The following DNAH1 variants were observed in gnomAD, a reference collection of about 807,000 sequenced individuals.
DNAH1 encodes the protein dynein axonemal heavy chain 1.
Under a neutral mutation model 484.3 loss-of-function variants are expected in DNAH1, and 327 were observed. The ratio of observed to expected loss-of-function variants is 0.68; its 90% CI spans 0.62 to 0.74. The LOEUF (loss-of-function observed/expected upper bound fraction) is 0.74, where lower values mean the gene tolerates loss of function less well. Among genes scored for constraint, DNAH1 ranks in the 30% least tolerant of loss-of-function variants. The pLI is 0.00. For missense variants in DNAH1, 5,052 were observed against 5,546.8 expected, an observed-to-expected ratio of 0.91 and a Z score of 2.83; for synonymous variants, 2,192 against 2,191.9, an observed-to-expected ratio of 1.00 and a Z score of 0.00.
intron 16 of DNAH1, 72 bp from the exon 17 acceptor site, chr3:52,351,890 C>G (rs1436881169): frequency 9.7e-6 from 15 of 1,538,528 alleles, no homozygotes; most frequent in Non-Finnish European, 1.3e-5. Flanking sequence ...GGTGGGATGC[C>G]CCTGCCTGGT....
rs749792877 is a variant in DNAH1, at chr3:52,395,061, C to T, written c.10968+2C>T. The T allele has an allele frequency of 2.1e-5, 33 of 1,606,632 alleles. No individual in the cohort carries two copies. The highest frequency in any genetic ancestry group is 3.3e-4 in the Middle Eastern group (2 of 6,050). On this transcript the variant is annotated splice_donor_variant, in intron 68 of 77. Transcript: ENST00000420323. LOFTEE classifies it low-confidence loss of function (GC_TO_GT_DONOR). The surrounding 1 kb of genome is among the most constrained non-coding windows in gnomAD (Gnocchi z 4.4). ...GAGCCACGCTTCATTGAACCCCAGGCAAGTGCTGGAACCCTGGCAGGACTG... is the reference window on the plus strand; with the variant it reads ...GAGCCACGCTTCATTGAACCCCAGGTAAGTGCTGGAACCCTGGCAGGACTG...
intron 8 of DNAH1, among the ~76,000 whole-genome samples, chr3:52,338,509 A>G (rs980527723): frequency 9.2e-5 from 14 of 152,202 alleles, no homozygotes; most frequent in South Asian, 2.1e-4. Context: ...AAACGTATCA[A>G]TATTTTTTCT....
chr3:52,319,122 C>G (rs1701053165), intron 1 of DNAH1, among the ~76,000 whole-genome samples: 1 of 152,202 alleles, frequency 6.6e-6, no homozygotes, highest in Non-Finnish European at 1.5e-5. Flanking sequence ...TTGCAAGTTT[C>G]TTTACTTTCC....
At chr3:52,359,471 A>G (rs923407118) in intron 26 of DNAH1, 85 bp downstream of exon 26, 1 of 1,510,970 alleles carries the variant, frequency 6.6e-7, no homozygotes, top group Non-Finnish European at 8.9e-7. Flanking sequence ...GCTTTCTCCT[A>G]TAGTGAGCCT....
At position 52,396,746 on chromosome 3, in the gene DNAH1, C is replaced by T; in HGVS notation, c.11559C>T (p.Cys3853=). Reference sequence around the variant, plus strand: ...TCACGGATGGAGATCTGCGCATCTGCATCAGCCAGCTCAAGATGTTCCTGG... The same window carrying T: ...TCACGGATGGAGATCTGCGCATCTGTATCAGCCAGCTCAAGATGTTCCTGG... ...YEFTDGDLRI[C]ISQLKMFLDE... is the part of the protein sequence containing the mutation. Residue 3853 remains cysteine, a synonymous_variant, in exon 72 of 78, where the codon TGC becomes TGT. Transcript: ENST00000420323. 5 of 1,613,782 alleles carry T rather than the reference C, an allele frequency of 3.1e-6. No individual in the cohort carries two copies. The highest frequency in any genetic ancestry group is 4.2e-6 in the Non-Finnish European group (5 of 1,179,878).
At chr3:52,376,114 C>T in intron 46 of DNAH1, 121 bp downstream of exon 46, 1 of 1,248,478 alleles carries the variant, frequency 8.0e-7, no homozygotes, top group South Asian at 1.5e-5. Context: ...CATGCAGGGA[C>T]CTTGGGCCAC....
At chr3:52,380,810 C>G (rs1026188770) in intron 48 of DNAH1, among the ~76,000 whole-genome samples, 1 of 152,234 alleles carries the variant, frequency 6.6e-6, no homozygotes, top group African/African-American at 2.4e-5. Flanking sequence ...AAAGTGACAG[C>G]AAGCAAGTTC....
chr3:52,375,940 C>T lies in DNAH1; in HGVS notation c.7160-15C>T. The T allele has an allele frequency of 6.2e-7, 1 of 1,611,888 alleles. No homozygotes were observed. Among genetic ancestry groups the T allele is most frequent in the Non-Finnish European group, 8.5e-7 (1 of 1,179,296 alleles). ...ACCTAACCCTGAGCCCCGTGTTTCT[C>T]CCTCCATCCTCTAGATGGACTCCTT... is the stretch of plus-strand genomic sequence containing the variant. On this transcript the variant is annotated splice_polypyrimidine_tract_variant and intron_variant, in intron 45 of 77. Transcript: ENST00000420323.
chr3:52,393,534 G>T (rs781253539), intron 66 of DNAH1, 49 bp downstream of exon 66: 1 of 1,606,218 alleles, frequency 6.2e-7, no homozygotes, highest in Non-Finnish European at 8.5e-7. Context: ...TGGCCCTGTG[G>T]CAGGGCCTGA....
chr3:52,360,168 C>A, intron 27 of DNAH1, 89 bp downstream of exon 27: 1 of 1,580,756 alleles, frequency 6.3e-7, no homozygotes, highest in South Asian at 1.1e-5. Context: ...ATAAGCTGGT[C>A]TCTGTCCTTG....
intron 66 of DNAH1, 131 bp from the exon 67 acceptor site, chr3:52,394,334 G>T: frequency 1.2e-6 from 1 of 860,954 alleles, no homozygotes; most frequent in Non-Finnish European, 1.8e-6. Flanking sequence ...AGACCTGTTT[G>T]ACTACCATCC....
At chr3:52,374,668 T>C (rs1703505511) in intron 44 of DNAH1, 1 of 1,449,520 alleles carries the variant, frequency 6.9e-7, no homozygotes, top group Non-Finnish European at 9.7e-7. Flanking sequence ...CTGCCCATCA[T>C]GTTTCCTTCC....
At chr3:52,339,133 A>T (rs895770329) in intron 8 of DNAH1, among the ~76,000 whole-genome samples, 1 of 151,800 alleles carries the variant, frequency 6.6e-6, no homozygotes, top group Non-Finnish European at 1.5e-5. Context: ...CTATATCTCT[A>T]TGTATCTATG....
chr3:52,358,625 G>A lies in DNAH1; in HGVS notation c.4154G>A (p.Cys1385Tyr), dbSNP rs764540543. 1 of 1,613,366 alleles carries A rather than the reference G, an allele frequency of 6.2e-7. No individual in the cohort carries two copies. The highest frequency in any genetic ancestry group is 1.1e-5 in the South Asian group (1 of 91,056). ...YSAEGEEVQL[C>Y]FSIYPSSNVE... ...GCCGAGGGGGAGGAGGTACAGTTGT[G>A]CTTCTCCATCTACCCCTCCAGCAAC... Residue 1385 changes from cysteine (C) to tyrosine (Y), a missense_variant, in exon 25 of 78, where the codon TGC becomes TAC. Physicochemically the swap from Cys to Tyr is radical, Grantham distance 194 (BLOSUM62 -2). Coordinates refer to ENST00000420323, the MANE Select transcript of DNAH1 (RefSeq NM_015512.5). This position sits in a 1 kb window ranked among gnomAD's most constrained non-coding sequence, Gnocchi z 4.2.
At chr3:52,393,150 A>G (rs1704471216) in intron 65 of DNAH1, 125 bp downstream of exon 65, 1 of 1,411,468 alleles carries the variant, frequency 7.1e-7, no homozygotes. Context: ...TAGACTCACA[A>G]TACATAAGAA....
At chr3:52,383,298 A>G in intron 50 of DNAH1, 88 bp from the exon 51 acceptor site, 1 of 1,199,822 alleles carries the variant, frequency 8.3e-7, no homozygotes, top group Non-Finnish European at 1.2e-6. Flanking sequence ...AGTCTGTCAA[A>G]TGGAGCTGTT....
intron 49 of DNAH1, among the ~76,000 whole-genome samples, chr3:52,382,078 G>A (rs1703873142): frequency 6.6e-6 from 1 of 152,232 alleles, no homozygotes; most frequent in Non-Finnish European, 1.5e-5. Flanking sequence ...ACTAGGGGAG[G>A]TGGCCAGGGC....
rs994614676 is a variant in DNAH1, at chr3:52,379,233, G to A, written c.7377+453G>A. 3.9e-5 allele frequency among the ~76,000 whole-genome samples: 6 copies of A among 152,176 alleles called. No individual in the cohort carries two copies. In the East Asian group the frequency reaches 5.8e-4, roughly 15 times the overall value. ...ATTTGTTCTGAGGGTGTAATGAGCC[G>A]TGTGGGTGGGCGGGGGACAGACCTG... is the stretch of plus-strand genomic sequence containing the variant. On this transcript the variant is annotated intron_variant, in intron 47 of 77. Coordinates refer to ENST00000420323, the MANE Select transcript of DNAH1 (RefSeq NM_015512.5). This position sits in a 1 kb window ranked among gnomAD's most constrained non-coding sequence, Gnocchi z 4.4.
Position 52,369,986 on chromosome 3 carries a change from G to A in DNAH1, c.6105G>A (p.Glu2035=), listed in dbSNP as rs376040784. The change falls in exon 38 of 78, where the codon GAG becomes GAA. Residue 2035 remains glutamate, a synonymous_variant. Transcript: ENST00000420323. The part of the protein sequence containing the change: ...KLPPLLKPYE[E]HFKALFVSFL... ...CTCCCTTGCTGAAGCCCTATGAGGAGCATTTCAAGGCCCTCTTTGTCAGCT... is the reference window on the plus strand; with the variant it reads ...CTCCCTTGCTGAAGCCCTATGAGGAACATTTCAAGGCCCTCTTTGTCAGCT... The A allele has an allele frequency of 6.2e-7, 1 of 1,613,644 alleles. No homozygotes were observed. The highest frequency in any genetic ancestry group is 1.3e-5 in the African/African-American group (1 of 75,064).
Sources: allele counts gnomAD v4.1 joint callset (sites outside exome capture counted in the v4.1 genomes callset), GRCh38; gene constraint gnomAD v4.1.1; non-coding constraint Gnocchi (gnomAD v3.1); transcripts MANE v1.5; gene names NCBI Gene and HGNC (gene_info 2026-07-23, HGNC 2026-07-21).